Variants in CNTN4 observed in about 807,000 individuals in gnomAD.
CNTN4 encodes the protein contactin-4.
A neutral mutation model predicts 122.5 loss-of-function variants in CNTN4; 77 were observed. The ratio of observed to expected loss-of-function variants is 0.63; its 90% CI spans 0.52 to 0.76. The LOEUF is 0.76. Among genes scored for constraint, CNTN4 ranks in the 30% least tolerant of loss-of-function variants. CNTN4 has a pLI of 0.00. For synonymous variants in CNTN4, 512 were observed against 447.0 expected, an observed-to-expected ratio of 1.15 and a Z score of -1.83; for missense variants, 1,256 against 1,259.1, an observed-to-expected ratio of 1.00 and a Z score of 0.04.
At chr3:2,600,202 G>A (rs1018125069) in intron 4 of CNTN4, among the ~76,000 whole-genome samples, 2 of 150,966 alleles carry the variant, frequency 1.3e-5, no homozygotes, top group Non-Finnish European at 1.5e-5. Context: ...ACCTTGGAGG[G>A]CAGCTTAGAT....
intron 13 of CNTN4, among the ~76,000 whole-genome samples, chr3:2,969,716 T>G (rs1328534717): frequency 6.6e-6 from 1 of 152,168 alleles, no homozygotes; most frequent in Non-Finnish European, 1.5e-5. Flanking sequence ...ATGGACAGGC[T>G]AAAACATAGA....
intron 2 of CNTN4, among the ~76,000 whole-genome samples, chr3:2,287,840 T>C (rs2042000229): frequency 6.6e-6 from 1 of 152,044 alleles, no homozygotes; most frequent in Non-Finnish European, 1.5e-5. Context: ...GCTGATCTGA[T>C]TGACTTTGTG....
chr3:2,489,002 A>G (rs1369326669), intron 3 of CNTN4, among the ~76,000 whole-genome samples: 1 of 152,214 alleles, frequency 6.6e-6, no homozygotes, highest in Non-Finnish European at 1.5e-5. Flanking sequence ...CTCTACAGAA[A>G]CATGCTGCTT....
intron 2 of CNTN4, among the ~76,000 whole-genome samples, chr3:2,266,878 C>T (rs1440973172): frequency 2.0e-5 from 3 of 152,054 alleles, no homozygotes; most frequent in African/African-American, 7.2e-5. Context: ...AGGAGTATGG[C>T]TTCTTCAATA....
At chr3:2,187,010 G>A (rs1442263014) in intron 2 of CNTN4, among the ~76,000 whole-genome samples, 3 of 152,174 alleles carry the variant, frequency 2.0e-5, no homozygotes, top group African/African-American at 4.8e-5. Context: ...CCATGCCTAT[G>A]TCCTGAATGG....
chr3:2,153,864 G>A (rs2035600139), intron 2 of CNTN4, among the ~76,000 whole-genome samples: 1 of 152,082 alleles, frequency 6.6e-6, no homozygotes, highest in South Asian at 2.1e-4. Flanking sequence ...ATGGGGTAAT[G>A]GTATTAGGTA....
intron 14 of CNTN4, among the ~76,000 whole-genome samples, chr3:3,021,225 T>C (rs763513479): frequency 1.5e-4 from 23 of 152,228 alleles, no homozygotes; most frequent in Non-Finnish European, 3.1e-4. Flanking sequence ...GTTTAGGGTA[T>C]GCCTTTTAGA....
chr3:2,996,707 A>C (rs531278186), intron 14 of CNTN4, among the ~76,000 whole-genome samples: 4 of 152,208 alleles, frequency 2.6e-5, no homozygotes, highest in Non-Finnish European at 4.4e-5. Flanking sequence ...AAATATATTG[A>C]AGCTATCCAT....
At chr3:2,816,529 G>T (rs1398314994) in intron 6 of CNTN4, among the ~76,000 whole-genome samples, 1 of 151,732 alleles carries the variant, frequency 6.6e-6, no homozygotes, top group African/African-American at 2.4e-5. Context: ...GACCACTAAA[G>T]AACTTACTCA....
intron 4 of CNTN4, among the ~76,000 whole-genome samples, chr3:2,671,382 C>T (rs1005149742): frequency 1.1e-4 from 17 of 152,314 alleles, no homozygotes; most frequent in South Asian, 4.1e-4. Context: ...TTGATCGAAT[C>T]GGCTACTGAA....
At chr3:2,828,266 C>T (rs1021792853) in intron 7 of CNTN4, among the ~76,000 whole-genome samples, 5 of 152,072 alleles carry the variant, frequency 3.3e-5, no homozygotes, top group African/African-American at 9.7e-5. Flanking sequence ...GAGAGAGCTG[C>T]ATTTTGATAC....
chr3:2,603,678 C>G (rs1379513133), intron 4 of CNTN4, among the ~76,000 whole-genome samples: 3 of 152,184 alleles, frequency 2.0e-5, no homozygotes, highest in African/African-American at 7.2e-5. Context: ...CATATGAGAG[C>G]TCCGGTGGAA....
intron 3 of CNTN4, among the ~76,000 whole-genome samples, chr3:2,425,287 AT>A (rs1293135617): frequency 2.0e-5 from 3 of 152,126 alleles, no homozygotes; most frequent in African/African-American, 7.2e-5. Flanking sequence ...CTTTCAACAT[AT>A]GGCTAGCCAG....
At chr3:2,791,029 A>G (rs536412640) in intron 6 of CNTN4, among the ~76,000 whole-genome samples, 26 of 152,232 alleles carry the variant, frequency 1.7e-4, no homozygotes, top group Admixed American at 1.3e-3. Context: ...TCTTAAACCT[A>G]CTATACACTG....
At chr3:2,290,122 G>A (rs113578336) in intron 2 of CNTN4, among the ~76,000 whole-genome samples, 2 of 152,232 alleles carry the variant, frequency 1.3e-5, no homozygotes, top group African/African-American at 2.4e-5. Flanking sequence ...CAACAAAAAT[G>A]TGGGAAAAAA....
At chr3:2,879,662 A>G (rs536384269) in intron 8 of CNTN4, among the ~76,000 whole-genome samples, 7 of 152,280 alleles carry the variant, frequency 4.6e-5, no homozygotes, top group Non-Finnish European at 7.4e-5. Flanking sequence ...AGAGACAGAA[A>G]GCAGATTAGA....
At position 2,125,894 on chromosome 3, in the gene CNTN4, G is replaced by GGTGTGTGTGTGTGT. The variant is rs61706367; in HGVS notation, c.-145+25276_-145+25289dup. On this transcript the variant is annotated intron_variant, in intron 2 of 24. Coordinates refer to ENST00000418658, the MANE Select transcript of CNTN4 (RefSeq NM_175607.3). ...TATAAGTTGCTCAGTTTTTATTTCT[G>GGTGTGTGTGTGTGT]GTGTGTGTGTGTGTGTGTGTGTGTG... 2.8e-3 allele frequency among the ~76,000 whole-genome samples: 405 copies of GGTGTGTGTGTGTGT among 143,442 alleles called. 1 individual carries two copies. Among genetic ancestry groups the GGTGTGTGTGTGTGT allele is most frequent in the African/African-American group, 9.2e-3 (354 of 38,526 alleles). The allele number at this position is 143,442 out of a possible 152,430, so 94.1% of individuals were successfully genotyped here. A position where few individuals can be genotyped will look rare whatever the true frequency, so the allele number is the denominator to read the frequency against.
chr3:2,654,173 G>A (rs2083480011), intron 4 of CNTN4, among the ~76,000 whole-genome samples: 2 of 152,124 alleles, frequency 1.3e-5, no homozygotes, highest in Non-Finnish European at 1.5e-5. Flanking sequence ...CTGAGCTATA[G>A]GAATTCAAGT....
At chr3:2,340,109 T>A (rs2044126405) in intron 3 of CNTN4, among the ~76,000 whole-genome samples, 1 of 131,514 alleles carries the variant, frequency 7.6e-6, no homozygotes, top group Non-Finnish European at 1.7e-5. Flanking sequence ...TTAACTTGAT[T>A]TTTATCTGTA....
Sources: allele counts gnomAD v4.1 joint callset (sites outside exome capture counted in the v4.1 genomes callset), GRCh38; gene constraint gnomAD v4.1.1; transcripts MANE v1.5; gene names NCBI Gene and HGNC (gene_info 2026-07-23, HGNC 2026-07-21).